The following MMP16 variants were observed in gnomAD, a reference collection of about 807,000 sequenced individuals.
The protein encoded by MMP16 is matrix metalloproteinase-16.
MMP16 carries 12 observed loss-of-function variants against 67.8 expected under a neutral mutation model. That is an observed-to-expected ratio of 0.18 (90% CI 0.11 to 0.29). MMP16 has a LOEUF of 0.29. Ranked by LOEUF, MMP16 falls within the 10% of genes least tolerant of loss-of-function variation. The pLI is 1.00. For missense variants in MMP16, 475 were observed against 765.7 expected (o/e 0.62, Z 4.48); for synonymous variants, 249 against 255.9 (o/e 0.97, Z 0.26).
At chr8:88,215,921 T>G (rs1809585451) in intron 1 of MMP16, among the ~76,000 whole-genome samples, 1 of 152,212 alleles carries the variant, frequency 6.6e-6, no homozygotes, top group African/African-American at 2.4e-5. Context: ...AGGATCATCT[T>G]TACATATCAT....
intron 4 of MMP16, among the ~76,000 whole-genome samples, chr8:88,126,172 TAAAC>T (rs566643385): frequency 1.6e-4 from 25 of 151,980 alleles, no homozygotes; most frequent in African/African-American, 5.1e-4. Flanking sequence ...GAGCTATTGA[TAAAC>T]AATTTATCAT....
chr8:88,226,269 G>A lies in MMP16; in HGVS notation c.133-28963C>T, dbSNP rs138340905. Among the ~76,000 whole-genome samples, 41 of 151,978 alleles carry A rather than the reference G, an allele frequency of 2.7e-4. 1 individual carries two copies. In the East Asian group the frequency reaches 7.8e-3, roughly 29 times the overall value. ...CTATTCTTCCTCCTAGATTCTGACT[G>A]TAAGTATATTGAATAGACTTATTAA... On this transcript the variant is annotated intron_variant, in intron 1 of 9. Coordinates refer to ENST00000286614, the MANE Select transcript of MMP16 (RefSeq NM_005941.5).
intron 3 of MMP16, 126 bp downstream of exon 3, chr8:88,186,350 C>CA (rs1395924519): frequency 9.5e-5 from 121 of 1,275,780 alleles, no homozygotes; most frequent in Non-Finnish European, 1.3e-4. Flanking sequence ...TTTTAAATCT[C>CA]TTATGTTAAC....
intron 1 of MMP16, among the ~76,000 whole-genome samples, chr8:88,322,415 G>C (rs1191417287): frequency 6.6e-6 from 1 of 152,168 alleles, no homozygotes; most frequent in African/African-American, 2.4e-5. Flanking sequence ...TTAATAAATG[G>C]AAAGGTGTTT....
chr8:88,273,132 G>A (rs1333414794), intron 1 of MMP16, among the ~76,000 whole-genome samples: 1 of 151,418 alleles, frequency 6.6e-6, no homozygotes, highest in Non-Finnish European at 1.5e-5. Flanking sequence ...CGCCCAGGCT[G>A]GAGTGCAGTG....
chr8:88,239,087 T>C (rs11984451), intron 1 of MMP16, among the ~76,000 whole-genome samples: 19,946 of 152,084 alleles, frequency 0.13, 2,856 homozygotes, highest in African/African-American at 0.36. Context: ...ATTTCTACTC[T>C]TTCCTTGCTG....
At chr8:88,138,903 G>T (rs1414746088) in intron 4 of MMP16, among the ~76,000 whole-genome samples, 1 of 152,038 alleles carries the variant, frequency 6.6e-6, no homozygotes, top group Non-Finnish European at 1.5e-5. Context: ...TATAAGCTCT[G>T]TCAACATAGC....
At chr8:88,258,092 C>T (rs969303108) in intron 1 of MMP16, among the ~76,000 whole-genome samples, 2 of 150,340 alleles carry the variant, frequency 1.3e-5, no homozygotes, top group African/African-American at 4.9e-5. Context: ...GTCACCCAGG[C>T]TGGAGTGCAG....
intron 1 of MMP16, among the ~76,000 whole-genome samples, chr8:88,212,264 C>A (rs1259733987): frequency 2.6e-5 from 4 of 152,012 alleles, no homozygotes; most frequent in African/African-American, 9.7e-5. Flanking sequence ...AAGATGCCTA[C>A]GAATTATGAT....
At chr8:88,314,683 G>A (rs2130073658) in intron 1 of MMP16, among the ~76,000 whole-genome samples, 1 of 152,290 alleles carries the variant, frequency 6.6e-6, no homozygotes, top group South Asian at 2.1e-4. Context: ...GAAGGGAGCT[G>A]GCACTATTGC....
In MMP16 at chr8:88,125,590, AGGC is replaced by A. The variant is rs1169197574; in HGVS notation, c.710-6732_710-6730del. On this transcript the variant is annotated intron_variant, in intron 4 of 9. Transcript: ENST00000286614. ...ACCTAGGAAAATATTTGAATAATCA[AGGC>A]CAAACTATACTTTTTATTCCTTTGG... Among the ~76,000 whole-genome samples the A allele has an allele frequency of 2.6e-5, 4 of 151,966 alleles. No homozygotes were observed. The South Asian group carries it at 8.3e-4, about 31-fold the overall frequency.
intron 9 of MMP16, among the ~76,000 whole-genome samples, chr8:88,046,173 T>TG: frequency 1.3e-5 from 2 of 152,256 alleles, no homozygotes; most frequent in Middle Eastern, 6.8e-3. Context: ...TTCCTGTTAT[T>TG]ATACCATCAT....
chr8:88,242,039 T>C (rs1461043909), intron 1 of MMP16, among the ~76,000 whole-genome samples: 1 of 152,174 alleles, frequency 6.6e-6, no homozygotes, highest in African/African-American at 2.4e-5. Flanking sequence ...TCAGTTTAAA[T>C]GAGGTATTAG....
chr8:88,326,909 C>T (rs1811547910), intron 1 of MMP16, 166 bp downstream of exon 1: 1 of 736,694 alleles, frequency 1.4e-6, no homozygotes, highest in Non-Finnish European at 2.1e-6. Context: ...CACACGCATC[C>T]GTCACCTAAA....
intron 4 of MMP16, among the ~76,000 whole-genome samples, chr8:88,140,360 T>C (rs912003249): frequency 3.9e-5 from 6 of 152,182 alleles, no homozygotes; most frequent in Admixed American, 3.3e-4. Context: ...CTATATCCTT[T>C]TTATGACCTA....
At chr8:88,302,436 T>C (rs1811118197) in intron 1 of MMP16, among the ~76,000 whole-genome samples, 1 of 152,226 alleles carries the variant, frequency 6.6e-6, no homozygotes, top group Non-Finnish European at 1.5e-5. Context: ...CGTCCCTTGT[T>C]ATATTATCTG....
chr8:88,138,533 C>A (rs144388793), intron 4 of MMP16, among the ~76,000 whole-genome samples: 32 of 152,136 alleles, frequency 2.1e-4, no homozygotes, highest in Non-Finnish European at 4.0e-4. Flanking sequence ...CATCTTGGTG[C>A]TTCCCTACTC....
intron 1 of MMP16, among the ~76,000 whole-genome samples, chr8:88,215,104 T>A (rs563072637): frequency 1.3e-5 from 2 of 152,222 alleles, no homozygotes; most frequent in African/African-American, 4.8e-5. Context: ...CCAAGGTGGA[T>A]CACGAGGTCA....
intron 6 of MMP16, among the ~76,000 whole-genome samples, chr8:88,087,129 T>A (rs1326400049): frequency 6.6e-6 from 1 of 151,854 alleles, no homozygotes; most frequent in Non-Finnish European, 1.5e-5. Context: ...CCTATAGTCC[T>A]AAACTGGCCT....
Sources: allele counts gnomAD v4.1 joint callset (sites outside exome capture counted in the v4.1 genomes callset), GRCh38; gene constraint gnomAD v4.1.1; transcripts MANE v1.5; gene names NCBI Gene and HGNC (gene_info 2026-07-23, HGNC 2026-07-21).